WDR72: variants seen among roughly 807,000 people sequenced by gnomAD.
WDR72 encodes WD repeat-containing protein 72.
A neutral mutation model predicts 124.2 loss-of-function variants in WDR72; 120 were observed. The ratio of observed to expected loss-of-function variants is 0.97; its 90% CI spans 0.83 to 1.12. The LOEUF is 1.12. WDR72 is among the 50% of genes most tolerant of loss of function. The pLI, the probability that WDR72 is intolerant of heterozygous loss-of-function variation, is 0.00. For synonymous variants in WDR72, 452 were observed against 441.7 expected (o/e 1.02, Z -0.29); for missense variants, 1,387 against 1,278.8 (o/e 1.08, Z -1.29).
At chr15:53,543,349 A>G (rs1893254290) in intron 18 of WDR72, among the ~76,000 whole-genome samples, 1 of 152,016 alleles carries the variant, frequency 6.6e-6, no homozygotes, top group African/African-American at 2.4e-5. Context: ...CTCACTCAAA[A>G]CCGCTCAACT....
intron 19 of WDR72, among the ~76,000 whole-genome samples, chr15:53,519,561 T>G (rs920025971): frequency 6.6e-6 from 1 of 152,216 alleles, no homozygotes; most frequent in African/African-American, 2.4e-5. Flanking sequence ...GAGTGAAAAC[T>G]CTTTGCTAAT....
At chr15:53,724,412 T>C (rs1432211787) in intron 2 of WDR72, among the ~76,000 whole-genome samples, 1 of 152,146 alleles carries the variant, frequency 6.6e-6, no homozygotes, top group Non-Finnish European at 1.5e-5. Flanking sequence ...AAGTAATTCA[T>C]GAAGAAAAGA....
chr15:53,711,405 A>C lies in WDR72; in HGVS notation c.788T>G (p.Val263Gly). The C allele has an allele frequency of 6.2e-7, 1 of 1,614,202 alleles. No homozygotes were observed. ...GATGAGGATTCTGTGAGCAGCAATC[A>C]CTTCTCCACCAGCAAAGAACTGCCC... Reference protein sequence around the residue: ...RNGQFFAGGEVIAAHRILIWT... With the variant: ...RNGQFFAGGEGIAAHRILIWT... Residue 263 changes from valine (V) to glycine (G), a missense_variant, in exon 8 of 20, where the codon GTG becomes GGG. By Grantham distance (109) the Val-to-Gly change is moderately radical (BLOSUM62 -3). Transcript: ENST00000360509.
intron 3 of WDR72, among the ~76,000 whole-genome samples, chr15:53,718,573 T>C (rs12913718): frequency 1.3e-5 from 2 of 152,096 alleles, no homozygotes. Flanking sequence ...AAATTTGTGG[T>C]GTATGAAATG....
chr15:53,545,350 A>G (rs796992384), intron 18 of WDR72, among the ~76,000 whole-genome samples: 24,769 of 144,562 alleles, frequency 0.17, 2,354 homozygotes, highest in Middle Eastern at 0.21. Context: ...GCCCTCAGAA[A>G]TAACGCCGCA....
chr15:53,561,433 C>T (rs1443420588), intron 18 of WDR72, among the ~76,000 whole-genome samples: 1 of 151,678 alleles, frequency 6.6e-6, no homozygotes, highest in Non-Finnish European at 1.5e-5. Flanking sequence ...TGCTTAAAGC[C>T]GTCAGCAAAG....
At chr15:53,533,265 A>G (rs976717868) in intron 18 of WDR72, among the ~76,000 whole-genome samples, 33 of 152,142 alleles carry the variant, frequency 2.2e-4, no homozygotes, top group African/African-American at 8.0e-4. Flanking sequence ...AGAGATTAAG[A>G]AGACAAAGAC....
At chr15:53,733,376 T>C (rs1177095768) in intron 1 of WDR72, among the ~76,000 whole-genome samples, 2 of 152,172 alleles carry the variant, frequency 1.3e-5, no homozygotes. Flanking sequence ...AAGAATGACT[T>C]ATCTTCGAAT....
chr15:53,750,493 T>A (rs911820848), intron 1 of WDR72, among the ~76,000 whole-genome samples: 2 of 152,212 alleles, frequency 1.3e-5, no homozygotes, highest in African/African-American at 4.8e-5. Flanking sequence ...TTTTCATGCT[T>A]GCTAACATAA....
chr15:53,587,549 A>G (rs1045696680), intron 18 of WDR72, among the ~76,000 whole-genome samples: 2 of 152,088 alleles, frequency 1.3e-5, no homozygotes, highest in Non-Finnish European at 2.9e-5. Flanking sequence ...TTTAAATGTT[A>G]TATAAATGAT....
At chr15:53,554,722 G>A (rs1165585302) in intron 18 of WDR72, among the ~76,000 whole-genome samples, 1 of 152,052 alleles carries the variant, frequency 6.6e-6, no homozygotes, top group African/African-American at 2.4e-5. Context: ...GAGTTTACAG[G>A]GAGTGAGGAA....
chr15:53,533,696 G>A (rs1468734889), intron 18 of WDR72, among the ~76,000 whole-genome samples: 3 of 152,072 alleles, frequency 2.0e-5, no homozygotes, highest in African/African-American at 7.2e-5. Flanking sequence ...TATAGTTAGA[G>A]GAGACTGCTC....
At chr15:53,672,590 C>A (rs1054863020) in intron 13 of WDR72, among the ~76,000 whole-genome samples, 2 of 152,096 alleles carry the variant, frequency 1.3e-5, no homozygotes, top group African/African-American at 4.8e-5. Flanking sequence ...TGTCTTAAAG[C>A]ATGACATGTA....
At position 53,554,189 on chromosome 15, in the gene WDR72, C is replaced by A. The variant is rs184234139; in HGVS notation, c.3149-30867G>T. 1.4e-4 allele frequency among the ~76,000 whole-genome samples: 21 copies of A among 152,242 alleles called. No individual in the cohort carries two copies. In the East Asian group the frequency reaches 3.9e-3, roughly 28 times the overall value. On this transcript the variant is annotated intron_variant, in intron 18 of 19. Transcript: ENST00000360509. ...TTCAACTGACTATGATAGTCTTCTT[C>A]ACTCTTCATGTTAAACTCTTGCCAA...
chr15:53,619,648 C>T (rs1021120779), intron 14 of WDR72, among the ~76,000 whole-genome samples: 11 of 151,956 alleles, frequency 7.2e-5, no homozygotes, highest in African/African-American at 2.7e-4. Context: ...GGTATCCCAT[C>T]CGACTTCCTA....
At chr15:53,713,209 G>C (rs2017598897) in intron 6 of WDR72, among the ~76,000 whole-genome samples, 1 of 136,746 alleles carries the variant, frequency 7.3e-6, no homozygotes, top group South Asian at 2.4e-4. Context: ...AAAAAAAGCT[G>C]TGATCAGGAA....
chr15:53,724,237 C>T (rs531901578), intron 2 of WDR72, among the ~76,000 whole-genome samples: 1 of 152,276 alleles, frequency 6.6e-6, no homozygotes, highest in East Asian at 1.9e-4. Flanking sequence ...CACATGGTGA[C>T]TATAGTTACT....
intron 18 of WDR72, among the ~76,000 whole-genome samples, chr15:53,591,055 G>C (rs2012467757): frequency 6.6e-6 from 1 of 151,990 alleles, no homozygotes. Flanking sequence ...AGTGGTCTTA[G>C]TAAACAGCTA....
At chr15:53,543,025 A>C (rs1304690031) in intron 18 of WDR72, among the ~76,000 whole-genome samples, 1 of 151,206 alleles carries the variant, frequency 6.6e-6, no homozygotes, top group Non-Finnish European at 1.5e-5. Context: ...AGAGACTTAG[A>C]CTCCCACACA....
Sources: allele counts gnomAD v4.1 joint callset (sites outside exome capture counted in the v4.1 genomes callset), GRCh38; gene constraint gnomAD v4.1.1; transcripts MANE v1.5; gene names NCBI Gene and HGNC (gene_info 2026-07-23, HGNC 2026-07-21).